Variants in NEGR1 observed in about 807,000 individuals in gnomAD.
NEGR1 encodes the protein IgLON family member 4.
In NEGR1, 10 loss-of-function variants were observed where a neutral mutation model predicts 40.9. The ratio of observed to expected loss-of-function variants is 0.24; its 90% CI spans 0.15 to 0.42. The LOEUF (loss-of-function observed/expected upper bound fraction) is 0.42, where lower values mean the gene tolerates loss of function less well. NEGR1 is among the 10% of genes least tolerant of loss of function. NEGR1 has a pLI of 1.00. For missense variants in NEGR1, 352 were observed against 438.9 expected, an observed-to-expected ratio of 0.80 and a Z score of 1.77; for synonymous variants, 185 against 166.8, an observed-to-expected ratio of 1.11 and a Z score of -0.84.
chr1:71,773,018 C>A (rs938507569), intron 3 of NEGR1, among the ~76,000 whole-genome samples: 34 of 152,076 alleles, frequency 2.2e-4, no homozygotes, highest in Admixed American at 6.5e-4. Context: ...CCAGAAACAT[C>A]TCAGGAAAGG....
intron 2 of NEGR1, among the ~76,000 whole-genome samples, chr1:71,878,640 G>T (rs1271293863): frequency 6.6e-6 from 1 of 151,618 alleles, no homozygotes; most frequent in African/African-American, 2.4e-5. Flanking sequence ...GATATGCATG[G>T]TATCTCAGAA....
rs546317736 is a variant in NEGR1 at position 71,976,748 on chromosome 1, T to G, written c.177-41437A>C. ...CACTAAGGTTTTCGAAGAGAAACAT[T>G]TATTTCCAATCACTTTAATCTCACT... On this transcript the variant is annotated intron_variant, in intron 1 of 6. Transcript: ENST00000357731. Among the ~76,000 whole-genome samples the G allele has an allele frequency of 7.1e-4, 108 of 152,324 alleles. 1 individual carries two copies. The highest frequency in any genetic ancestry group is 2.5e-3 in the African/African-American group (106 of 41,574).
intron 1 of NEGR1, among the ~76,000 whole-genome samples, chr1:72,246,830 G>T (rs1246714760): frequency 2.0e-5 from 3 of 152,196 alleles, no homozygotes; most frequent in African/African-American, 7.2e-5. Flanking sequence ...CCTTACAAAG[G>T]CTTCTTTCTG....
intron 1 of NEGR1, among the ~76,000 whole-genome samples, chr1:71,991,465 C>T (rs953109309): frequency 5.9e-5 from 9 of 152,232 alleles, no homozygotes; most frequent in East Asian, 3.9e-4. Flanking sequence ...TTCCTGCTTC[C>T]GTATTTTGGC....
At chr1:71,576,510 T>C (rs1036113805) in intron 6 of NEGR1, among the ~76,000 whole-genome samples, 6 of 152,206 alleles carry the variant, frequency 3.9e-5, no homozygotes, top group African/African-American at 1.4e-4. Flanking sequence ...GTTTTCTATC[T>C]TTGATAGGAA....
At chr1:71,935,417 A>G (rs558244266) in intron 1 of NEGR1, 106 bp from the exon 2 acceptor site, 113 of 711,872 alleles carry the variant, frequency 1.6e-4, no homozygotes, top group Non-Finnish European at 2.5e-4. Flanking sequence ...GCACAGCATC[A>G]AATGCAAACA....
At chr1:72,261,914 T>C (rs1319985989) in intron 1 of NEGR1, among the ~76,000 whole-genome samples, 1 of 152,008 alleles carries the variant, frequency 6.6e-6, no homozygotes, top group Non-Finnish European at 1.5e-5. Flanking sequence ...TTAGGTACAA[T>C]GTACTTTATT....
chr1:71,433,508 A>G (rs1646483036), intron 6 of NEGR1, among the ~76,000 whole-genome samples: 1 of 152,200 alleles, frequency 6.6e-6, no homozygotes, highest in Admixed American at 6.5e-5. Flanking sequence ...AAAGAGGTTT[A>G]ATTGGACTTA....
chr1:71,592,816 C>T lies in NEGR1; in HGVS notation c.940+1G>A. The T allele has an allele frequency of 6.2e-7, 1 of 1,610,704 alleles. No homozygotes were observed. Among genetic ancestry groups the T allele is most frequent in the Non-Finnish European group, 8.5e-7 (1 of 1,177,536 alleles). ...CATTTTGGTACCATTGCATTACTTACGGTTAAGAGGCAGGCTCGCATTGGT... is the reference window on the plus strand; with the variant it reads ...CATTTTGGTACCATTGCATTACTTATGGTTAAGAGGCAGGCTCGCATTGGT... On this transcript the variant is annotated splice_donor_variant, in intron 6 of 6. Coordinates refer to ENST00000357731, the MANE Select transcript of NEGR1 (RefSeq NM_173808.3). LOFTEE classifies it high-confidence loss of function.
intron 1 of NEGR1, among the ~76,000 whole-genome samples, chr1:72,163,449 T>C (rs1341569848): frequency 6.6e-6 from 1 of 152,086 alleles, no homozygotes; most frequent in Non-Finnish European, 1.5e-5. Flanking sequence ...AACACAAACA[T>C]ATAATTAGAA....
At chr1:71,810,750 T>A (rs1251863721) in intron 2 of NEGR1, among the ~76,000 whole-genome samples, 8 of 152,018 alleles carry the variant, frequency 5.3e-5, no homozygotes, top group Non-Finnish European at 2.9e-5. Context: ...CTCCCTTCTC[T>A]CTCTTCCTCC....
intron 1 of NEGR1, chr1:72,275,150 A>G (rs1655998187): frequency 3.0e-6 from 2 of 672,916 alleles, no homozygotes; most frequent in Non-Finnish European, 5.4e-6. Context: ...GATGCCACCC[A>G]TGTGTTTTTC....
chr1:71,460,373 C>T (rs1217343216), intron 6 of NEGR1, among the ~76,000 whole-genome samples: 1 of 152,072 alleles, frequency 6.6e-6, no homozygotes, highest in Non-Finnish European at 1.5e-5. Context: ...GGCCAGGGCA[C>T]AAAATTTAAG....
chr1:71,873,968 G>T (rs1459900374), intron 2 of NEGR1, among the ~76,000 whole-genome samples: 2 of 152,132 alleles, frequency 1.3e-5, no homozygotes, highest in Non-Finnish European at 2.9e-5. Context: ...ATGCTTATTT[G>T]CTTCAAAGGA....
chr1:71,431,796 TTC>T (rs2101296214), intron 6 of NEGR1, among the ~76,000 whole-genome samples: 1 of 152,328 alleles, frequency 6.6e-6, no homozygotes, highest in African/African-American at 2.4e-5. Flanking sequence ...GGGTAGGGTA[TTC>T]TTTTATGTAT....
At chr1:72,076,890 CTTTT>C (rs56943357) in intron 1 of NEGR1, among the ~76,000 whole-genome samples, 2 of 101,688 alleles carry the variant, frequency 2.0e-5, no homozygotes, top group African/African-American at 4.1e-5. Context: ...CTCATTTATC[CTTTT>C]TTTTTTTTTT....
chr1:71,657,723 T>C (rs192892235), intron 4 of NEGR1, among the ~76,000 whole-genome samples: 1 of 152,216 alleles, frequency 6.6e-6, no homozygotes, highest in African/African-American at 2.4e-5. Context: ...TTTGATGGTT[T>C]GATCCTCCCT....
intron 1 of NEGR1, among the ~76,000 whole-genome samples, chr1:72,277,790 G>A (rs1656110559): frequency 1.3e-5 from 2 of 152,060 alleles, no homozygotes; most frequent in Admixed American, 6.6e-5. Flanking sequence ...GAAAATATCG[G>A]TAAAGTTGAA....
At chr1:71,888,485 A>G (rs1227630599) in intron 2 of NEGR1, among the ~76,000 whole-genome samples, 1 of 151,846 alleles carries the variant, frequency 6.6e-6, no homozygotes, top group Admixed American at 6.6e-5. Flanking sequence ...GGTCACTCCC[A>G]CCCGAATATT....
Sources: gnomAD v4.1 joint callset for allele counts (sites outside exome capture counted in the v4.1 genomes callset) on GRCh38, gnomAD v4.1.1 for gene constraint, MANE v1.5 for transcripts, NCBI Gene and HGNC (gene_info 2026-07-23, HGNC 2026-07-21) for gene names.